USH2A: variants seen among roughly 807,000 people sequenced by gnomAD.
USH2A encodes Usher syndrome 2A (autosomal recessive, mild).
USH2A carries 443 observed loss-of-function variants against 538.9 expected under a neutral mutation model. The ratio of observed to expected loss-of-function variants is 0.82; its 90% CI spans 0.76 to 0.89. USH2A has a LOEUF of 0.89. Among genes scored for constraint, USH2A ranks in the 40% least tolerant of loss-of-function variants. USH2A has a pLI of 0.00. For synonymous variants in USH2A, 2,413 were observed against 2,273.5 expected (o/e 1.06, Z -1.75); for missense variants, 6,633 against 6,324.8 (o/e 1.05, Z -1.65).
intron 47 of USH2A, among the ~76,000 whole-genome samples, chr1:215,830,229 A>T (rs1663273046): frequency 6.6e-6 from 1 of 152,158 alleles, no homozygotes; most frequent in Non-Finnish European, 1.5e-5. Flanking sequence ...CTAGAACAAA[A>T]TGCCTTGCAA....
At chr1:215,705,962 A>T (rs1204410050) in intron 61 of USH2A, among the ~76,000 whole-genome samples, 1 of 152,238 alleles carries the variant, frequency 6.6e-6, no homozygotes, top group Admixed American at 6.5e-5. Flanking sequence ...ATCTCAAAGG[A>T]TGATAACAAT....
chr1:216,228,958 G>A (rs969169833), intron 14 of USH2A, among the ~76,000 whole-genome samples: 2 of 152,102 alleles, frequency 1.3e-5, no homozygotes, highest in Admixed American at 1.3e-4. Flanking sequence ...CGGATCACGA[G>A]TTCAGGAGTC....
At chr1:215,632,920 A>G (rs534518232) in intron 70 of USH2A, among the ~76,000 whole-genome samples, 7 of 152,300 alleles carry the variant, frequency 4.6e-5, no homozygotes, top group Admixed American at 1.3e-4. Context: ...CATTCATTCA[A>G]CAAACATTCG....
At chr1:215,754,261 A>C (rs1046639671) in intron 58 of USH2A, among the ~76,000 whole-genome samples, 2 of 152,168 alleles carry the variant, frequency 1.3e-5, no homozygotes, top group African/African-American at 2.4e-5. Context: ...TATGTACACG[A>C]CATTTGTTAT....
At chr1:215,989,194 C>T (rs1667948564) in intron 35 of USH2A, among the ~76,000 whole-genome samples, 1 of 152,122 alleles carries the variant, frequency 6.6e-6, no homozygotes, top group Admixed American at 6.5e-5. Flanking sequence ...TTATAAATCC[C>T]TAGTGAACAA....
chr1:215,844,384 A>G lies in USH2A; in HGVS notation c.9168T>C (p.Tyr3056=). ...PNGVVTEYSI[Y]VNNKLYKTGM... is the part of the protein sequence containing the mutation. ...CAGTCTTGTAGAGCTTATTATTTAC[A>G]TAGATAGAATACTCAGTGACAACAC... The change falls in exon 46 of 72, where the codon TAT becomes TAC. Residue 3056 remains tyrosine (Y), a synonymous_variant. Coordinates refer to ENST00000307340, the MANE Select transcript of USH2A (RefSeq NM_206933.4). 6.2e-7 allele frequency: 1 copy of G among 1,613,792 alleles called. No individual in the cohort carries two copies. Among genetic ancestry groups the G allele is most frequent in the Admixed American group, 1.7e-5 (1 of 59,912 alleles).
rs534404810 is a variant in USH2A, at chr1:216,138,918, ATGTGTGTG to A, written c.4627+36326_4627+36333del. Among the ~76,000 whole-genome samples, 256 of 148,830 alleles carry A rather than the reference ATGTGTGTG, an allele frequency of 1.7e-3. 2 individuals carry two copies. The highest frequency in any genetic ancestry group is 6.2e-3 in the African/African-American group (250 of 40,650). ...TATATTTTTAAATATGCATATATTA[ATGTGTGTG>A]TGTGTGTGTGTGTGTGTATATATAT... On this transcript the variant is annotated intron_variant, in intron 21 of 71. Coordinates refer to ENST00000307340, the MANE Select transcript of USH2A (RefSeq NM_206933.4).
intron 47 of USH2A, among the ~76,000 whole-genome samples, chr1:215,837,166 T>G (rs1373981802): frequency 6.6e-6 from 1 of 152,174 alleles, no homozygotes; most frequent in Admixed American, 6.5e-5. Context: ...TTTTTTGAAC[T>G]GATTTAAGAT....
chr1:216,152,918 G>T (rs2033868496), intron 21 of USH2A, among the ~76,000 whole-genome samples: 1 of 152,184 alleles, frequency 6.6e-6, no homozygotes, highest in Non-Finnish European at 1.5e-5. Flanking sequence ...TCCATGAGCA[G>T]AAGAGCAGAG....
intron 56 of USH2A, among the ~76,000 whole-genome samples, chr1:215,760,088 T>G (rs1258775838): frequency 6.6e-6 from 1 of 152,222 alleles, no homozygotes; most frequent in East Asian, 1.9e-4. Flanking sequence ...CTGCCTTGGT[T>G]GTCACTCTGA....
intron 11 of USH2A, among the ~76,000 whole-genome samples, chr1:216,281,590 G>A (rs559039883): frequency 2.0e-5 from 3 of 152,030 alleles, no homozygotes; most frequent in Non-Finnish European, 4.4e-5. Context: ...ATATTCCATT[G>A]TGTGATTATA....
chr1:216,298,847 T>C (rs1449224327), intron 9 of USH2A, among the ~76,000 whole-genome samples: 1 of 150,354 alleles, frequency 6.7e-6, no homozygotes, highest in Middle Eastern at 3.2e-3. Context: ...AGAATACTTT[T>C]TTTTTTTTTT....
At chr1:216,285,131 T>C (rs1327018727) in intron 11 of USH2A, among the ~76,000 whole-genome samples, 1 of 152,154 alleles carries the variant, frequency 6.6e-6, no homozygotes, top group Non-Finnish European at 1.5e-5. Flanking sequence ...AAGCCAAATG[T>C]TAATCACCAA....
At chr1:215,788,636 G>T (rs1224256706) in intron 51 of USH2A, among the ~76,000 whole-genome samples, 2 of 152,136 alleles carry the variant, frequency 1.3e-5, no homozygotes, top group African/African-American at 2.4e-5. Flanking sequence ...AGAGGAGCAG[G>T]ATAAAGAGAA....
At chr1:216,376,480 C>T (rs533056567) in intron 3 of USH2A, among the ~76,000 whole-genome samples, 1 of 97,526 alleles carries the variant, frequency 1.0e-5, no homozygotes, top group East Asian at 5.5e-4. Context: ...CTGATAAATC[C>T]CTATTCTTTC....
intron 21 of USH2A, among the ~76,000 whole-genome samples, chr1:216,110,485 A>T (rs767852266): frequency 6.6e-6 from 1 of 152,234 alleles, no homozygotes; most frequent in Non-Finnish European, 1.5e-5. Flanking sequence ...TAACTTAAAG[A>T]TACATCAGTT....
chr1:216,155,955 T>C (rs1416171829), intron 21 of USH2A, among the ~76,000 whole-genome samples: 1 of 152,180 alleles, frequency 6.6e-6, no homozygotes, highest in Non-Finnish European at 1.5e-5. Context: ...ATGGTACATG[T>C]ACAATATCAG....
chr1:216,209,021 G>A (rs1266535666), intron 15 of USH2A, among the ~76,000 whole-genome samples: 1 of 152,198 alleles, frequency 6.6e-6, no homozygotes, highest in Non-Finnish European at 1.5e-5. Context: ...TTGTACAAAT[G>A]TTTAAGTGCA....
At chr1:216,417,684 G>T (rs2039600282) in intron 3 of USH2A, among the ~76,000 whole-genome samples, 2 of 152,084 alleles carry the variant, frequency 1.3e-5, no homozygotes, top group Admixed American at 1.3e-4. Flanking sequence ...TGCCGTGATT[G>T]TAAGTTTTCT....
Sources: allele counts gnomAD v4.1 joint callset (sites outside exome capture counted in the v4.1 genomes callset), GRCh38; gene constraint gnomAD v4.1.1; transcripts MANE v1.5; gene names NCBI Gene and HGNC (gene_info 2026-07-23, HGNC 2026-07-21).